The following SRGAP1 variants were observed in gnomAD, a reference collection of about 807,000 sequenced individuals.
The protein encoded by SRGAP1 is SLIT-ROBO Rho GTPase-activating protein 1.
A neutral mutation model predicts 121.9 loss-of-function variants in SRGAP1; 43 were observed. That is an observed-to-expected ratio of 0.35 (90% CI 0.28 to 0.46). SRGAP1 has a LOEUF of 0.46. SRGAP1 is among the 20% of genes least tolerant of loss of function. The pLI, the probability that SRGAP1 is intolerant of heterozygous loss-of-function variation, is 1.00. For missense variants in SRGAP1, 1,102 were observed against 1,350.9 expected (o/e 0.82, Z 2.89); for synonymous variants, 447 against 485.4 (o/e 0.92, Z 1.04).
intron 1 of SRGAP1, among the ~76,000 whole-genome samples, chr12:63,944,029 G>A (rs143805461): frequency 1.1e-4 from 17 of 152,272 alleles, no homozygotes; most frequent in Admixed American, 5.2e-4. Context: ...TAGGTCCTGC[G>A]GTTGAGCTCA....
At chr12:64,059,010 A>G (rs904300993) in intron 6 of SRGAP1, among the ~76,000 whole-genome samples, 1 of 152,250 alleles carries the variant, frequency 6.6e-6, no homozygotes, top group Admixed American at 6.5e-5. Context: ...GGGTCAGAGA[A>G]GGAAATTTCC....
At chr12:64,124,335 T>C (rs556427016) in intron 18 of SRGAP1, among the ~76,000 whole-genome samples, 11 of 152,346 alleles carry the variant, frequency 7.2e-5, no homozygotes, top group Admixed American at 3.3e-4. Flanking sequence ...CTCTTTTAAA[T>C]GGGAAGGTTT....
intron 6 of SRGAP1, among the ~76,000 whole-genome samples, chr12:64,046,069 A>C (rs1367185978): frequency 6.6e-6 from 1 of 152,204 alleles, no homozygotes; most frequent in Admixed American, 6.5e-5. Flanking sequence ...AATGCCATGC[A>C]GCTATCTGGG....
intron 1 of SRGAP1, among the ~76,000 whole-genome samples, chr12:63,873,951 G>T (rs886408319): frequency 6.6e-6 from 1 of 151,912 alleles, no homozygotes; most frequent in Non-Finnish European, 1.5e-5. Flanking sequence ...AGGATCAATT[G>T]AGTCTGAGAA....
At chr12:63,990,406 C>T (rs946995006) in intron 3 of SRGAP1, among the ~76,000 whole-genome samples, 1 of 152,130 alleles carries the variant, frequency 6.6e-6, no homozygotes, top group Non-Finnish European at 1.5e-5. Context: ...GTGGCGCTTG[C>T]CTGTAGTCCC....
At chr12:64,119,492 A>C (rs1378479396) in intron 18 of SRGAP1, among the ~76,000 whole-genome samples, 1 of 152,148 alleles carries the variant, frequency 6.6e-6, no homozygotes, top group African/African-American at 2.4e-5. Context: ...TACAATATTC[A>C]ATATTCCAGT....
chr12:64,090,994 A>G lies in SRGAP1; in HGVS notation c.1437-282A>G, dbSNP rs577240521. Among the ~76,000 whole-genome samples, 2 of 152,354 alleles carry G rather than the reference A, an allele frequency of 1.3e-5. 1 individual carries two copies. Among genetic ancestry groups the G allele is most frequent in the South Asian group, 4.1e-4 (2 of 4,826 alleles). The stretch of plus-strand genomic sequence containing the variant: ...GTTTGTAACATTTGGCCAAATAGCT[A>G]ACGAGTCTACTTGGTAGTGCTTATT... On this transcript the variant is annotated intron_variant, in intron 11 of 21. Coordinates refer to ENST00000355086, the MANE Select transcript of SRGAP1 (RefSeq NM_020762.4).
At chr12:63,974,156 G>T (rs1294916438) in intron 1 of SRGAP1, among the ~76,000 whole-genome samples, 3 of 151,962 alleles carry the variant, frequency 2.0e-5, no homozygotes, top group Non-Finnish European at 4.4e-5. Context: ...TCTTTAAACT[G>T]CCCTTTCCTA....
intron 1 of SRGAP1, among the ~76,000 whole-genome samples, chr12:63,862,697 C>T (rs1162090370): frequency 6.6e-6 from 1 of 152,210 alleles, no homozygotes; most frequent in Non-Finnish European, 1.5e-5. Flanking sequence ...AGCAGGAAGA[C>T]ATCCGTTTGC....
chr12:64,040,220 A>C (rs2034986772), intron 4 of SRGAP1, among the ~76,000 whole-genome samples: 1 of 152,196 alleles, frequency 6.6e-6, no homozygotes, highest in Non-Finnish European at 1.5e-5. Flanking sequence ...GGATTAACCT[A>C]AATAAATATA....
chr12:64,107,202 G>A (rs1188883801), intron 15 of SRGAP1, among the ~76,000 whole-genome samples: 1 of 152,132 alleles, frequency 6.6e-6, no homozygotes, highest in Non-Finnish European at 1.5e-5. Flanking sequence ...AGGGAAAATA[G>A]AATGCCCAGT....
intron 6 of SRGAP1, among the ~76,000 whole-genome samples, chr12:64,044,431 A>G (rs973715053): frequency 1.3e-5 from 2 of 152,146 alleles, no homozygotes; most frequent in African/African-American, 2.4e-5. Flanking sequence ...TATCTGCTGG[A>G]ATTTTATTCA....
chr12:63,852,996 G>A (rs1388259296), intron 1 of SRGAP1, among the ~76,000 whole-genome samples: 1 of 151,222 alleles, frequency 6.6e-6, no homozygotes, highest in East Asian at 1.9e-4. Flanking sequence ...AATTATCTAG[G>A]ATGTCCAAAC....
In SRGAP1 at chr12:63,872,403, C is replaced by T. The variant is rs777713782; in HGVS notation, c.67+27520C>T. Among the ~76,000 whole-genome samples the T allele has an allele frequency of 3.9e-5, 6 of 152,236 alleles. 1 individual carries two copies. The South Asian group carries it at 1.0e-3, about 26-fold the overall frequency. On this transcript the variant is annotated intron_variant, in intron 1 of 21. Transcript: ENST00000355086. Reference sequence around the variant, plus strand: ...TAAGTTTCTCTTTGCTTATGGGCTACGACCCCACACTTGCCTGTGGCCACG... The same window carrying T: ...TAAGTTTCTCTTTGCTTATGGGCTATGACCCCACACTTGCCTGTGGCCACG...
At chr12:63,968,951 A>AGG (rs2032860422) in intron 1 of SRGAP1, among the ~76,000 whole-genome samples, 1 of 152,182 alleles carries the variant, frequency 6.6e-6, no homozygotes, top group African/African-American at 2.4e-5. Flanking sequence ...GGCAGCCAAG[A>AGG]GAACATCAGC....
intron 1 of SRGAP1, among the ~76,000 whole-genome samples, chr12:63,865,772 A>C (rs1168831993): frequency 6.6e-6 from 1 of 152,140 alleles, no homozygotes; most frequent in East Asian, 1.9e-4. Flanking sequence ...TTTTCGGTGC[A>C]TCTCATCCAT....
At chr12:64,032,434 G>C in intron 4 of SRGAP1, 2 of 685,616 alleles carry the variant, frequency 2.9e-6, no homozygotes, top group Non-Finnish European at 5.3e-6. Context: ...TGGGCTGAGA[G>C]AGATCCTGAG....
intron 1 of SRGAP1, among the ~76,000 whole-genome samples, chr12:63,878,149 G>A (rs1900086010): frequency 6.6e-6 from 1 of 152,142 alleles, no homozygotes; most frequent in Non-Finnish European, 1.5e-5. Flanking sequence ...CCTGAAATGC[G>A]ATTGGGCATT....
intron 1 of SRGAP1, among the ~76,000 whole-genome samples, chr12:63,960,650 G>A (rs2032611255): frequency 6.6e-6 from 1 of 152,162 alleles, no homozygotes; most frequent in African/African-American, 2.4e-5. Flanking sequence ...TATGGCAAAA[G>A]GGACTTTGCA....
Sources: gnomAD v4.1 joint callset for allele counts (sites outside exome capture counted in the v4.1 genomes callset) on GRCh38, gnomAD v4.1.1 for gene constraint, MANE v1.5 for transcripts, NCBI Gene and HGNC (gene_info 2026-07-23, HGNC 2026-07-21) for gene names.